The following IL7 variants were observed in gnomAD, a reference collection of about 807,000 sequenced individuals.
IL7 encodes interleukin 7, also known as interleukin-7.
IL7 carries 3 observed loss-of-function variants against 21.6 expected under a neutral mutation model. The observed-to-expected ratio is 0.14, with a 90% CI of 0.06 to 0.36. IL7 has a LOEUF of 0.36. Among genes scored for constraint, IL7 ranks in the 10% least tolerant of loss-of-function variants. The probability of loss-of-function intolerance (pLI) is 1.00; values close to 1 mark genes in which losing one functional copy is unlikely to be tolerated. For missense variants in IL7, 175 were observed against 200.2 expected (o/e 0.87, Z 0.76); for synonymous variants, 62 against 68.1 (o/e 0.91, Z 0.44).
At chr8:78,725,076 C>T (rs570529569) in intron 3 of IL7, among the ~76,000 whole-genome samples, 1 of 152,044 alleles carries the variant, frequency 6.6e-6, no homozygotes, top group Admixed American at 6.6e-5. Flanking sequence ...GCAAATTTTC[C>T]ATGGTGAAAC....
At chr8:78,804,830 A>G (rs746324358) in intron 1 of IL7, 83 bp downstream of exon 1, 52 of 1,528,934 alleles carry the variant, frequency 3.4e-5, no homozygotes, top group Non-Finnish European at 4.4e-5. Flanking sequence ...GGACTTGCCT[A>G]GGAGCAGGGG....
intron 3 of IL7, among the ~76,000 whole-genome samples, chr8:78,696,213 T>G (rs1425500756): frequency 6.6e-6 from 1 of 152,096 alleles, no homozygotes; most frequent in African/African-American, 2.4e-5. Context: ...TTTTTGTATT[T>G]TTAGTAGAGA....
intron 2 of IL7, among the ~76,000 whole-genome samples, chr8:78,785,560 C>A (rs555021218): frequency 6.6e-6 from 1 of 152,104 alleles, no homozygotes; most frequent in Non-Finnish European, 1.5e-5. Flanking sequence ...ATCAACTACT[C>A]TTTGATATTC....
chr8:78,762,421 A>AAGT lies in IL7; in HGVS notation c.148-22342_148-22340dup. On this transcript the variant is annotated intron_variant, in intron 2 of 5. Transcript: ENST00000263851. The stretch of plus-strand genomic sequence containing the variant: ...CCGCGTGCAGTTGGCGGCAGCGCAG[A>AAGT]AGTTCGGCATCGTCGCCCGCCCGCC... 4 of 1,605,424 alleles carry AAGT rather than the reference A, an allele frequency of 2.5e-6. No individual in the cohort carries two copies. The Middle Eastern group carries it at 8.9e-4, about 359-fold the overall frequency.
intron 2 of IL7, chr8:78,760,077 T>C (rs921132054): frequency 7.0e-6 from 10 of 1,431,064 alleles, no homozygotes; most frequent in Non-Finnish European, 9.2e-6. Flanking sequence ...TTAAGTGGCC[T>C]ACATACACCT....
chr8:78,715,514 G>C (rs6473117), downstream of IL7, among the ~76,000 whole-genome samples: 493 of 152,220 alleles, frequency 3.2e-3, 2 homozygotes, highest in African/African-American at 0.011. Flanking sequence ...CTTCTGTAAA[G>C]GATTAACCCT....
At chr8:78,762,144 G>A in intron 2 of IL7, 1 of 1,597,174 alleles carries the variant, frequency 6.3e-7, no homozygotes. Flanking sequence ...CTACTATGTG[G>A]GTTGTTCAAA....
intron 3 of IL7, chr8:78,697,467 C>T (rs1810462139): frequency 1.9e-6 from 3 of 1,610,110 alleles, no homozygotes; most frequent in Non-Finnish European, 1.7e-6. Flanking sequence ...AGGATCTTCA[C>T]GATTACCGCA....
downstream of IL7, among the ~76,000 whole-genome samples, chr8:78,730,923 G>A (rs756356292): frequency 1.3e-5 from 2 of 151,926 alleles, no homozygotes; most frequent in Non-Finnish European, 2.9e-5. Flanking sequence ...TAGCAATTGA[G>A]GAAAAGGAAT....
chr8:78,701,925 C>T (rs1028354143), intron 3 of IL7, among the ~76,000 whole-genome samples: 1 of 151,978 alleles, frequency 6.6e-6, no homozygotes, highest in African/African-American at 2.4e-5. Context: ...GGTTATTGGC[C>T]TGAAGTTTCC....
At chr8:78,761,018 A>G in intron 2 of IL7, 2 of 1,611,990 alleles carry the variant, frequency 1.2e-6, no homozygotes, top group South Asian at 1.1e-5. Context: ...TGCACTGCAG[A>G]GTACAAATGC....
intron 3 of IL7, among the ~76,000 whole-genome samples, chr8:78,693,325 T>C (rs1423947438): frequency 6.6e-6 from 1 of 151,378 alleles, no homozygotes; most frequent in Admixed American, 6.6e-5. Context: ...CCACAATGGT[T>C]GAACTAGTTT....
chr8:78,758,012 C>T (rs1413406552), intron 2 of IL7, among the ~76,000 whole-genome samples: 1 of 151,984 alleles, frequency 6.6e-6, no homozygotes, highest in Non-Finnish European at 1.5e-5. Context: ...TTTGTTCTTC[C>T]CTTGTTTTAC....
At chr8:78,771,559 G>A (rs750380923) in intron 2 of IL7, among the ~76,000 whole-genome samples, 5 of 152,042 alleles carry the variant, frequency 3.3e-5, no homozygotes, top group African/African-American at 2.4e-5. Flanking sequence ...ATGGAGAAAC[G>A]CAGAGTCAAA....
intron 2 of IL7, among the ~76,000 whole-genome samples, chr8:78,759,164 A>G (rs1812457766): frequency 7.1e-6 from 1 of 140,916 alleles, no homozygotes; most frequent in African/African-American, 2.7e-5. Flanking sequence ...TTGTATATAT[A>G]TATTTTAATT....
chr8:78,701,355 CTT>C (rs1810597630), intron 3 of IL7, among the ~76,000 whole-genome samples: 2 of 152,138 alleles, frequency 1.3e-5, no homozygotes, highest in Non-Finnish European at 2.9e-5. Flanking sequence ...AATCCTGAGA[CTT>C]TGCTAAAGTT....
intron 2 of IL7, among the ~76,000 whole-genome samples, chr8:78,795,962 G>C (rs1488529477): frequency 6.6e-6 from 1 of 152,030 alleles, no homozygotes; most frequent in African/African-American, 2.4e-5. Context: ...ATGTGGAAGA[G>C]ACAGTGGAGT....
At chr8:78,767,712 A>G (rs1812801639) in intron 2 of IL7, among the ~76,000 whole-genome samples, 1 of 152,140 alleles carries the variant, frequency 6.6e-6, no homozygotes, top group Non-Finnish European at 1.5e-5. Context: ...ATTGTTTTAT[A>G]TCACCATTTC....
intron 4 of IL7, among the ~76,000 whole-genome samples, chr8:78,680,470 A>G (rs1203853569): frequency 1.3e-5 from 2 of 152,162 alleles, no homozygotes; most frequent in Non-Finnish European, 2.9e-5. Context: ...AATTATTTTA[A>G]GAACATCCTT....
Sources: allele counts gnomAD v4.1 joint callset (sites outside exome capture counted in the v4.1 genomes callset), GRCh38; gene constraint gnomAD v4.1.1; transcripts MANE v1.5; gene names NCBI Gene and HGNC (gene_info 2026-07-23, HGNC 2026-07-21).